Variants in MICAL1 observed in about 807,000 individuals in gnomAD.
MICAL1 encodes [F-actin]-monooxygenase MICAL1.
MICAL1 carries 95 observed loss-of-function variants against 131.8 expected under a neutral mutation model. The observed-to-expected ratio is 0.72, with a 90% CI of 0.61 to 0.86. The LOEUF is 0.86. Among genes scored for constraint, MICAL1 ranks in the 40% least tolerant of loss-of-function variants. The pLI, the probability that MICAL1 is intolerant of heterozygous loss-of-function variation, is 0.00. For missense variants in MICAL1, 1,292 were observed against 1,380.6 expected (o/e 0.94, Z 1.02); for synonymous variants, 546 against 554.2 (o/e 0.99, Z 0.21).
chr6:109,453,585 C>T, intron 3 of MICAL1, 53 bp downstream of exon 3: 2 of 1,542,112 alleles, frequency 1.3e-6, no homozygotes, highest in Admixed American at 3.9e-5. Flanking sequence ...CCCCACTGGC[C>T]TGCCTCTAGG....
At chr6:109,465,849 G>A in exon 1 of MICAL1, 1 of 1,614,198 alleles carries the variant, frequency 6.2e-7, no homozygotes, top group Non-Finnish European at 8.5e-7. Context: ...CGTGTTTACA[G>A]GTCAGCTCTG....
upstream of MICAL1, among the ~76,000 whole-genome samples, chr6:109,456,330 G>T (rs1373439603): frequency 1.3e-5 from 2 of 152,198 alleles, no homozygotes; most frequent in Admixed American, 1.3e-4. Context: ...GCTCTCCTCC[G>T]GTCTCCCACC....
Position 109,445,801 on chromosome 6 carries a change from T to A in MICAL1, c.2643A>T (p.Glu881Asp), listed in dbSNP as rs1431416665. ...CCACATCTGAGTCCAAAGGCACATC[T>A]TCTTCTTCCTCTTCACTGGAGAAGG... is the stretch of plus-strand genomic sequence containing the variant. Reference protein sequence around the residue: ...ESPFSSEEEEEDVPLDSDVEQ... With the variant: ...ESPFSSEEEEDDVPLDSDVEQ... Residue 881 changes from glutamate (E) to aspartate (D), a missense_variant, in exon 20 of 25, where the codon GAA becomes GAT. Physicochemically the swap from Glu to Asp is conservative, Grantham distance 45. Coordinates refer to ENST00000358807, the MANE Select transcript of MICAL1 (RefSeq NM_022765.4). 12 of 1,611,252 alleles carry A rather than the reference T, an allele frequency of 7.4e-6. No individual in the cohort carries two copies. Among genetic ancestry groups the A allele is most frequent in the East Asian group, 2.2e-5 (1 of 44,760 alleles).
At chr6:109,452,821 A>G (rs780963276) in intron 4 of MICAL1, among the ~76,000 whole-genome samples, 17 of 152,184 alleles carry the variant, frequency 1.1e-4, no homozygotes, top group Non-Finnish European at 1.8e-4. Context: ...CAAATGCTCA[A>G]TCTGAGGCTC....
upstream of MICAL1, chr6:109,456,036 C>A: frequency 1.0e-6 from 1 of 986,118 alleles, no homozygotes; most frequent in Non-Finnish European, 1.2e-6. Flanking sequence ...GCTGCGGACA[C>A]CCCGTTCCGC....
chr6:109,461,841 G>A (rs1775895076), intron 1 of MICAL1, among the ~76,000 whole-genome samples: 1 of 152,122 alleles, frequency 6.6e-6, no homozygotes, highest in South Asian at 2.1e-4. Context: ...TTAAAAGCCT[G>A]TGCCCTAGTT....
At chr6:109,453,153 C>G (rs765700884) in intron 4 of MICAL1, 110 bp downstream of exon 4, 7 of 835,648 alleles carry the variant, frequency 8.4e-6, no homozygotes, top group Non-Finnish European at 1.2e-5. Flanking sequence ...GAACGAGACT[C>G]TGTCTCAAAA....
chr6:109,452,040 A>G, intron 6 of MICAL1: 1 of 1,407,372 alleles, frequency 7.1e-7, no homozygotes, highest in Non-Finnish European at 9.2e-7. Context: ...TCTCTGAGAG[A>G]TTCCAGGACT....
At chr6:109,465,706 C>T (rs1381224985) in exon 1 of MICAL1, 2 of 1,605,078 alleles carry the variant, frequency 1.2e-6, no homozygotes, top group African/African-American at 2.7e-5. Flanking sequence ...GGATGGAGGG[C>T]ATTATAAACA....
upstream of MICAL1, among the ~76,000 whole-genome samples, chr6:109,460,146 C>T (rs532353862): frequency 2.0e-5 from 3 of 152,146 alleles, no homozygotes; most frequent in South Asian, 6.2e-4. Context: ...TGTTTAAATT[C>T]CTACATTTTG....
chr6:109,453,668 G>A lies in MICAL1; in HGVS notation c.436C>T (p.Arg146Cys), dbSNP rs1562293479. The A allele has an allele frequency of 7.4e-6, 12 of 1,612,340 alleles. No individual in the cohort carries two copies. In the East Asian group the frequency reaches 8.9e-5, roughly 12 times the overall value. The change falls in exon 3 of 25, where the codon CGC (arginine) becomes TGC (cysteine). Residue 146 changes from arginine to cysteine, a missense_variant. Arg to Cys is a radical substitution (Grantham distance 180). Coordinates refer to ENST00000358807, the MANE Select transcript of MICAL1 (RefSeq NM_022765.4). Reference protein sequence around the residue: ...RALGAKKFYGRFCTGTLDHIS... With the variant: ...RALGAKKFYGCFCTGTLDHIS... ...TGGTCCAGGGTGCCGGTGCAGAAGC[G>A]CCCGTAGAACTTCTTAGCACCGAGT...
At chr6:109,453,432 T>C in intron 3 of MICAL1, 65 bp from the exon 4 acceptor site, 6 of 1,557,630 alleles carry the variant, frequency 3.9e-6, no homozygotes, top group Non-Finnish European at 5.3e-6. Flanking sequence ...TGTACCAGTG[T>C]GTGCCTGGTC....
chr6:109,445,615 T>C, intron 20 of MICAL1, 86 bp from the exon 21 acceptor site: 1 of 1,550,576 alleles, frequency 6.4e-7, no homozygotes. Flanking sequence ...AAATAACCCG[T>C]GCTGAAGTGG....
At chr6:109,451,564 A>C in intron 7 of MICAL1, 36 bp downstream of exon 7, 2 of 1,611,496 alleles carry the variant, frequency 1.2e-6, no homozygotes, top group Non-Finnish European at 1.7e-6. Context: ...CCCGGGGCTC[A>C]CCACCCAGCC....
chr6:109,455,942 A>T (rs1416097091), upstream of MICAL1: 5 of 985,248 alleles, frequency 5.1e-6, no homozygotes, highest in Admixed American at 6.1e-5. The surrounding 1 kb of genome is among the most constrained non-coding windows in gnomAD (Gnocchi z 4.7). Flanking sequence ...TTAGCATCTC[A>T]TTACTTCTGG....
intron 7 of MICAL1, 67 bp from the exon 8 acceptor site, chr6:109,450,624 C>T (rs148589234): frequency 9.9e-6 from 15 of 1,513,992 alleles, no homozygotes; most frequent in African/African-American, 1.4e-5. Context: ...AGTGCCACCC[C>T]CTTGGGCGCA....
In MICAL1 at chr6:109,453,338, TC is replaced by T; in HGVS notation, c.495del (p.Lys166ArgfsTer2). On this transcript the variant is annotated frameshift_variant, in exon 4 of 25. Coordinates refer to ENST00000358807, the MANE Select transcript of MICAL1 (RefSeq NM_022765.4). LOFTEE classifies it high-confidence loss of function. ...ISIRQLQLLLLKVALLLGVEI... is the reference protein window; with the variant it reads ...ISIRQLQLLLXKVALLLGVEI... ...TCCACCCCCAGCAGCAATGCTACCT[TC>T]AGCAGAAGCAGCTGGAGCTGCCTGA... 2.5e-6 allele frequency: 4 copies of T among 1,613,974 alleles called. No homozygotes were observed. The highest frequency in any genetic ancestry group is 3.4e-6 in the Non-Finnish European group (4 of 1,179,968).
Position 109,455,712 on chromosome 6 carries a change from G to T in MICAL1, c.-44+7C>A, listed in dbSNP as rs117663805. The T allele has an allele frequency of 0.053, 52,289 of 981,554 alleles. 1,395 individuals are homozygous for T. The highest frequency in any genetic ancestry group is 0.084 in the South Asian group (1,780 of 21,224). The allele number at this position is 981,554 out of a possible 1,614,324, so 60.8% of individuals were successfully genotyped here. A position where few individuals can be genotyped will look rare whatever the true frequency, so the allele number is the denominator to read the frequency against. On this transcript the variant is annotated splice_region_variant and intron_variant, in intron 1 of 24. Transcript: ENST00000358807. The surrounding 1 kb of genome is among the most constrained non-coding windows in gnomAD (Gnocchi z 4.7). ...GGGCTCGCAGCCGGCTCCGCTGGAC[G>T]ACTTACCGGCGGCTCCGAAGCCGGG...
chr6:109,453,943 G>T lies in MICAL1; in HGVS notation c.254C>A (p.Thr85Asn), dbSNP rs768328420. The T allele has an allele frequency of 6.2e-7, 1 of 1,613,258 alleles. No homozygotes were observed. The highest frequency in any genetic ancestry group is 8.5e-7 in the Non-Finnish European group (1 of 1,179,510). ...VYQQGRACTS[T>N]KCLVVGAGPC... ...TCCCAGGCACCGTGTATCCACCTTGGTGCTGGTGCAGGCCCGGCCCTGCTG... is the reference window on the plus strand; with the variant it reads ...TCCCAGGCACCGTGTATCCACCTTGTTGCTGGTGCAGGCCCGGCCCTGCTG... The change falls in exon 2 of 25, where the codon ACC becomes AAC. Residue 85 changes from threonine (T) to asparagine (N), a missense_variant. Transcript: ENST00000358807.
Sources: gnomAD v4.1 joint callset for allele counts (sites outside exome capture counted in the v4.1 genomes callset) on GRCh38, gnomAD v4.1.1 for gene constraint, Gnocchi (gnomAD v3.1) non-coding constraint, MANE v1.5 for transcripts, NCBI Gene and HGNC (gene_info 2026-07-23, HGNC 2026-07-21) for gene names.